ABHD2: variants seen among roughly 807,000 people sequenced by gnomAD.
The protein encoded by ABHD2 is monoacylglycerol lipase ABHD2.
Under a neutral mutation model 48.1 loss-of-function variants are expected in ABHD2, and 20 were observed. That is an observed-to-expected ratio of 0.42 (90% CI 0.29 to 0.60). ABHD2 has a LOEUF of 0.60. Among genes scored for constraint, ABHD2 ranks in the 20% least tolerant of loss-of-function variants. The pLI is 0.24. For missense variants in ABHD2, 405 were observed against 550.9 expected, an observed-to-expected ratio of 0.74 and a Z score of 2.65; for synonymous variants, 209 against 214.2, an observed-to-expected ratio of 0.98 and a Z score of 0.21.
intron 3 of ABHD2, among the ~76,000 whole-genome samples, chr15:89,134,566 C>T (rs943364929): frequency 6.6e-5 from 10 of 152,116 alleles, no homozygotes; most frequent in Non-Finnish European, 1.3e-4. Context: ...ATGCTCATAC[C>T]CCAGCACTGC....
At chr15:89,096,579 A>G (rs933134216) in intron 1 of ABHD2, among the ~76,000 whole-genome samples, 8 of 152,192 alleles carry the variant, frequency 5.3e-5, no homozygotes, top group African/African-American at 1.9e-4. Context: ...TGTCATTCAT[A>G]TGGCTCCTTT....
the ABHD2 span, among the ~76,000 whole-genome samples, chr15:89,062,828 A>C: frequency 6.6e-6 from 1 of 152,188 alleles, no homozygotes; most frequent in African/African-American, 2.4e-5. Context: ...GAGACGCTAA[A>C]GCCGGCCTGT....
the ABHD2 span, among the ~76,000 whole-genome samples, chr15:89,064,762 C>T: frequency 1.3e-5 from 2 of 152,124 alleles, no homozygotes; most frequent in Non-Finnish European, 2.9e-5. Flanking sequence ...ATAGACTTTT[C>T]AGTGATGAAC....
At chr15:89,064,938 A>G in the ABHD2 span, among the ~76,000 whole-genome samples, 17 of 152,080 alleles carry the variant, frequency 1.1e-4, no homozygotes, top group Admixed American at 2.6e-4. Flanking sequence ...GCCCCATCTC[A>G]TTGCCCTCTC....
At chr15:89,144,870 G>A (rs544378645) in intron 3 of ABHD2, among the ~76,000 whole-genome samples, 1 of 152,194 alleles carries the variant, frequency 6.6e-6, no homozygotes, top group Non-Finnish European at 1.5e-5. Context: ...ACAAAGTGAT[G>A]AATTCAAAAT....
chr15:89,069,674 C>CTTTTTTTTTTCTTTTTT, the ABHD2 span, among the ~76,000 whole-genome samples: 1 of 52,898 alleles, frequency 1.9e-5, no homozygotes, highest in Non-Finnish European at 3.3e-5. Flanking sequence ...TTCATTTACT[C>CTTTTTTTTTTCTTTTTT]TTTTTTTTTT....
At chr15:89,052,213 C>G in the ABHD2 span, among the ~76,000 whole-genome samples, 1 of 152,100 alleles carries the variant, frequency 6.6e-6, no homozygotes. Context: ...GGGGCTGGAC[C>G]TGCCCTAGGT....
rs1189408135 is a variant in ABHD2 at position 89,116,507 on chromosome 15, T to C, written c.180T>C (p.Pro60=). The stretch of plus-strand genomic sequence containing the variant: ...CACGCTTTCTGCTCAAGTCCTGTCC[T>C]CTTCTGACCAAAGAGTGAGTAGACC... The part of the protein sequence containing the change: ...GLSRFLLKSC[P]LLTKEYIPPL... The change falls in exon 3 of 11, where the codon CCT becomes CCC. Residue 60 remains proline, a synonymous_variant. Transcript: ENST00000352732. The surrounding 1 kb of genome is among the most constrained non-coding windows in gnomAD (Gnocchi z 4.6). The C allele has an allele frequency of 1.2e-6, 2 of 1,613,804 alleles. No individual in the cohort carries two copies. The highest frequency in any genetic ancestry group is 2.2e-5 in the East Asian group (1 of 44,882).
At chr15:89,144,429 G>A (rs2050459324) in intron 3 of ABHD2, among the ~76,000 whole-genome samples, 1 of 152,078 alleles carries the variant, frequency 6.6e-6, no homozygotes, top group South Asian at 2.1e-4. Context: ...CACCACACCG[G>A]GCCTACCATT....
intron 3 of ABHD2, among the ~76,000 whole-genome samples, chr15:89,119,023 G>C (rs1044990186): frequency 2.0e-5 from 3 of 152,080 alleles, no homozygotes; most frequent in African/African-American, 7.2e-5. Context: ...CCTAAGCCAG[G>C]GGCATCAGCA....
intron 2 of ABHD2, among the ~76,000 whole-genome samples, 152 bp downstream of exon 2, chr15:89,113,976 C>G (rs1038552635): frequency 2.0e-5 from 3 of 152,192 alleles, no homozygotes; most frequent in Non-Finnish European, 2.9e-5. Context: ...GCTGCATTAC[C>G]CTGTTCTGTT....
chr15:89,175,167 A>G lies in ABHD2; in HGVS notation c.539-645A>G, dbSNP rs1159456879. Among the ~76,000 whole-genome samples, 1 of 152,132 alleles carries G rather than the reference A, an allele frequency of 6.6e-6. No individual in the cohort carries two copies. The highest frequency in any genetic ancestry group is 1.5e-5 in the Non-Finnish European group (1 of 68,008). On this transcript the variant is annotated intron_variant, in intron 5 of 10. Coordinates refer to ENST00000352732, the MANE Select transcript of ABHD2 (RefSeq NM_152924.5). The surrounding 1 kb of genome is among the most constrained non-coding windows in gnomAD (Gnocchi z 5.7). ...TCATACACATGGGTATAGCATCCCA[A>G]TTTGTAGCCTAGGAAGCTAATCTCA...
chr15:89,190,408 G>T (rs1457599101), intron 8 of ABHD2, among the ~76,000 whole-genome samples: 1 of 152,128 alleles, frequency 6.6e-6, no homozygotes, highest in Non-Finnish European at 1.5e-5. Context: ...CGGAGCAGTA[G>T]TCAGAGATAA....
At position 89,167,456 on chromosome 15, in the gene ABHD2, C is replaced by T. The variant is rs1474030511; in HGVS notation, c.539-8356C>T. Among the ~76,000 whole-genome samples the T allele has an allele frequency of 2.0e-5, 3 of 152,140 alleles. No individual in the cohort carries two copies. The highest frequency in any genetic ancestry group is 3.2e-3 in the Middle Eastern group (1 of 316). ...CCTGGCAAGATCGTCTGCTGAGAGC[C>T]AGGGGCCAGGAGCTTCAGGAAGTGT... On this transcript the variant is annotated intron_variant, in intron 5 of 10. Transcript: ENST00000352732. This position sits in a 1 kb window ranked among gnomAD's most constrained non-coding sequence, Gnocchi z 5.5.
chr15:89,116,236 CTT>C lies in ABHD2; in HGVS notation c.-6-85_-6-84del. On this transcript the variant is annotated intron_variant, in intron 2 of 10. Coordinates refer to ENST00000352732, the MANE Select transcript of ABHD2 (RefSeq NM_152924.5). The surrounding 1 kb of genome is among the most constrained non-coding windows in gnomAD (Gnocchi z 4.6). ...TGACACACCGTCACTGGCAGTATCT[CTT>C]AGCCCACCATGCGTCTGTAGGGTGG... The C allele has an allele frequency of 7.7e-7, 1 of 1,299,540 alleles. No homozygotes were observed. Among genetic ancestry groups the C allele is most frequent in the Admixed American group, 2.2e-5 (1 of 46,468 alleles). The allele number at this position is 1,299,540 out of a possible 1,614,324, so 80.5% of individuals were successfully genotyped here. A position where few individuals can be genotyped will look rare whatever the true frequency, so the allele number is the denominator to read the frequency against.
chr15:89,137,718 C>T lies in ABHD2; in HGVS notation c.195-13959C>T, dbSNP rs1158868404. Among the ~76,000 whole-genome samples, 4 of 152,192 alleles carry T rather than the reference C, an allele frequency of 2.6e-5. No individual in the cohort carries two copies. Among genetic ancestry groups the T allele is most frequent in the Admixed American group, 6.5e-5 (1 of 15,284 alleles). On this transcript the variant is annotated intron_variant, in intron 3 of 10. Coordinates refer to ENST00000352732, the MANE Select transcript of ABHD2 (RefSeq NM_152924.5). This position sits in a 1 kb window ranked among gnomAD's most constrained non-coding sequence, Gnocchi z 4.8. Reference sequence around the variant, plus strand: ...ACAGCTGTGGAGAAGAATTTGCCTCCAGTGAGGGGAAAATGCTGTGTTCAA... The same window carrying T: ...ACAGCTGTGGAGAAGAATTTGCCTCTAGTGAGGGGAAAATGCTGTGTTCAA...
intron 3 of ABHD2, among the ~76,000 whole-genome samples, chr15:89,129,491 AGT>A (rs1392339451): frequency 6.6e-6 from 1 of 152,206 alleles, no homozygotes; most frequent in African/African-American, 2.4e-5. Context: ...CAAAGAAGTG[AGT>A]CAGGAAACAA....
intron 4 of ABHD2, among the ~76,000 whole-genome samples, chr15:89,153,387 G>C (rs2050623381): frequency 6.6e-6 from 1 of 152,204 alleles, no homozygotes; most frequent in Non-Finnish European, 1.5e-5. Context: ...TAAATCTGTA[G>C]CTGGTTTTTC....
Position 89,191,007 on chromosome 15 carries a change from T to C in ABHD2, c.927-73T>C, listed in dbSNP as rs1237952073. The stretch of plus-strand genomic sequence containing the variant: ...TTAGCGTGAGGAACTGGAGCCATCG[T>C]CGGCTCAGCATTCTGATCTTAAAGA... On this transcript the variant is annotated intron_variant, in intron 8 of 10. Coordinates refer to ENST00000352732, the MANE Select transcript of ABHD2 (RefSeq NM_152924.5). The C allele has an allele frequency of 2.7e-6, 4 of 1,473,786 alleles. No homozygotes were observed. In the East Asian group the frequency reaches 9.1e-5, roughly 33 times the overall value. The allele number at this position is 1,473,786 out of a possible 1,614,324, so 91.3% of individuals were successfully genotyped here. A position where few individuals can be genotyped will look rare whatever the true frequency, so the allele number is the denominator to read the frequency against.
Sources: gnomAD v4.1 joint callset for allele counts (sites outside exome capture counted in the v4.1 genomes callset) on GRCh38, gnomAD v4.1.1 for gene constraint, Gnocchi (gnomAD v3.1) non-coding constraint, MANE v1.5 for transcripts, NCBI Gene and HGNC (gene_info 2026-07-23, HGNC 2026-07-21) for gene names.